PADI1: variants seen among roughly 807,000 people sequenced by gnomAD.
The protein encoded by PADI1 is peptidyl arginine deiminase 1.
A neutral mutation model predicts 74.8 loss-of-function variants in PADI1; 65 were observed. That is an observed-to-expected ratio of 0.87 (90% CI 0.71 to 1.07). The LOEUF is 1.07. Among genes scored for constraint, PADI1 ranks in the 50% least tolerant of loss-of-function variants. The pLI, the probability that PADI1 is intolerant of heterozygous loss-of-function variation, is 0.00. For synonymous variants in PADI1, 371 were observed against 336.2 expected (o/e 1.10, Z -1.13); for missense variants, 943 against 854.0 (o/e 1.10, Z -1.30).
At chr1:17,233,658 C>G (rs1484705942) in intron 11 of PADI1, among the ~76,000 whole-genome samples, 4 of 152,252 alleles carry the variant, frequency 2.6e-5, no homozygotes, top group Non-Finnish European at 5.9e-5. Flanking sequence ...CCTGTTTCCT[C>G]CCTGGAGATG....
chr1:17,214,598 G>A (rs965697144), intron 1 of PADI1, among the ~76,000 whole-genome samples: 19 of 152,168 alleles, frequency 1.2e-4, no homozygotes, highest in Non-Finnish European at 1.9e-4. Context: ...GCTACATCAT[G>A]AGACATCACC....
chr1:17,230,595 C>A lies in PADI1; in HGVS notation c.1077C>A (p.Ile359=). 2 of 1,611,380 alleles carry A rather than the reference C, an allele frequency of 1.2e-6. No homozygotes were observed. The highest frequency in any genetic ancestry group is 1.7e-6 in the Non-Finnish European group (2 of 1,178,592). Residue 359 remains isoleucine (I), a synonymous_variant, in exon 10 of 16, where the codon ATC becomes ATA. Transcript: ENST00000375471. ...WIQDEMEFGY[I]EAPHKSFPVV... ...AGGACGAGATGGAGTTTGGCTACAT[C>A]GAGGCCCCTCACAAATCCTTCCCCG...
At chr1:17,224,454 G>T (rs781722404) in intron 4 of PADI1, 26 bp downstream of exon 4, 23 of 1,597,960 alleles carry the variant, frequency 1.4e-5, no homozygotes, top group Non-Finnish European at 8.6e-7. Context: ...GCACCCCAAG[G>T]CTGCGGGGTT....
intron 8 of PADI1, 124 bp downstream of exon 8, chr1:17,229,175 G>A: frequency 1.5e-6 from 1 of 688,080 alleles, no homozygotes; most frequent in Non-Finnish European, 2.5e-6. Flanking sequence ...TTCAGGCAGA[G>A]CTGGTGGCAG....
At chr1:17,217,225 G>A (rs1044600544) in intron 1 of PADI1, among the ~76,000 whole-genome samples, 1 of 152,188 alleles carries the variant, frequency 6.6e-6, no homozygotes, top group African/African-American at 2.4e-5. Flanking sequence ...GGGCTCAGGG[G>A]CTACTGGACC....
At chr1:17,213,614 C>T (rs1296004450) in intron 1 of PADI1, among the ~76,000 whole-genome samples, 1 of 152,210 alleles carries the variant, frequency 6.6e-6, no homozygotes, top group Non-Finnish European at 1.5e-5. Context: ...CAAGTAACAC[C>T]TACCTTGGTC....
At chr1:17,243,920 C>A in intron 15 of PADI1, 90 bp from the exon 16 acceptor site, 2 of 895,522 alleles carry the variant, frequency 2.2e-6, no homozygotes, top group Non-Finnish European at 3.5e-6. Context: ...ACCCATTCCC[C>A]AGGGCCTGTC....
rs150519166 is a variant in PADI1 at position 17,230,252 on chromosome 1, G to A, written c.1053+44G>A. On this transcript the variant is annotated intron_variant, in intron 9 of 15. Transcript: ENST00000375471. Reference sequence around the variant, plus strand: ...TCGGGAAGCCTGCAGCCTGGCTTGGGGAAAGGGAAGCCGCACAGGTGCCTG... The same window carrying A: ...TCGGGAAGCCTGCAGCCTGGCTTGGAGAAAGGGAAGCCGCACAGGTGCCTG... 1,217 of 1,594,820 alleles carry A rather than the reference G, an allele frequency of 7.6e-4. 11 individuals are homozygous for A. In the African/African-American group the frequency reaches 0.015, roughly 19 times the overall value.
intron 1 of PADI1, among the ~76,000 whole-genome samples, chr1:17,217,593 A>G (rs2072013820): frequency 2.6e-5 from 4 of 152,260 alleles, no homozygotes; most frequent in African/African-American, 9.6e-5. Flanking sequence ...AATTATATTA[A>G]AAACAAAGGC....
intron 11 of PADI1, among the ~76,000 whole-genome samples, chr1:17,236,622 C>T (rs1229962890): frequency 4.6e-5 from 7 of 152,066 alleles, no homozygotes; most frequent in Non-Finnish European, 1.0e-4. Context: ...TGCGTGGTGG[C>T]ACATACCTGT....
intron 1 of PADI1, among the ~76,000 whole-genome samples, chr1:17,206,570 T>G (rs2071687465): frequency 6.6e-6 from 1 of 152,212 alleles, no homozygotes; most frequent in South Asian, 2.1e-4. Flanking sequence ...GATGCCTGGT[T>G]AAGTTTGAAT....
At chr1:17,215,742 G>A (rs952023052) in intron 1 of PADI1, among the ~76,000 whole-genome samples, 8 of 152,208 alleles carry the variant, frequency 5.3e-5, no homozygotes, top group African/African-American at 9.7e-5. Context: ...TCCAGAACGC[G>A]TTGATTGTGC....
In PADI1 at chr1:17,237,004, G is replaced by C. The variant is rs1386137641; in HGVS notation, c.1314-310G>C. ...AGGGGCGCAGTGGGGAGTGAGGCCA[G>C]AGAGCTTGGCCGAGCACGCTTCAGA... On this transcript the variant is annotated intron_variant, in intron 11 of 15. Coordinates refer to ENST00000375471, the MANE Select transcript of PADI1 (RefSeq NM_013358.3). Among the ~76,000 whole-genome samples, 4 of 152,304 alleles carry C rather than the reference G, an allele frequency of 2.6e-5. No individual in the cohort carries two copies. In the East Asian group the frequency reaches 7.7e-4, roughly 29 times the overall value.
chr1:17,213,907 T>C (rs1480938335), intron 1 of PADI1, among the ~76,000 whole-genome samples: 1 of 152,170 alleles, frequency 6.6e-6, no homozygotes, highest in Non-Finnish European at 1.5e-5. Context: ...ATAACCTCTC[T>C]ATTGAACCTG....
At chr1:17,229,637 C>T (rs1229808655) in intron 8 of PADI1, among the ~76,000 whole-genome samples, 1 of 152,202 alleles carries the variant, frequency 6.6e-6, no homozygotes, top group East Asian at 1.9e-4. Context: ...TGTGGCCAAA[C>T]AGGTTTGCTC....
rs1383284475 is a variant in PADI1, at chr1:17,222,341, G to A, written c.144G>A (p.Val48=). Residue 48 remains valine (V), a synonymous_variant, in exon 2 of 16, where the codon GTG becomes GTA. Coordinates refer to ENST00000375471, the MANE Select transcript of PADI1 (RefSeq NM_013358.3). Reference sequence around the variant, plus strand: ...TCAGGGTCTCTGGAAGCTCCGGGGTGGAGGTCTTCATGGTCTACAACCGCA... The same window carrying A: ...TCAGGGTCTCTGGAAGCTCCGGGGTAGAGGTCTTCATGGTCTACAACCGCA... ...NSFRVSGSSG[V]EVFMVYNRTR... 1 of 1,614,068 alleles carries A rather than the reference G, an allele frequency of 6.2e-7. No homozygotes were observed. Among genetic ancestry groups the A allele is most frequent in the Admixed American group, 1.7e-5 (1 of 60,032 alleles).
At position 17,215,880 on chromosome 1, in the gene PADI1, G is replaced by A. The variant is rs118086889; in HGVS notation, c.93-6410G>A. Among the ~76,000 whole-genome samples, 252 of 152,366 alleles carry A rather than the reference G, an allele frequency of 1.7e-3. 7 individuals are homozygous for A. In the East Asian group the frequency reaches 0.043, roughly 26 times the overall value. The stretch of plus-strand genomic sequence containing the variant: ...CAATGAGCAGATATGTGCTCTGTCA[G>A]GTGGCTGGGAGGTGGCCGGTGCCAT... On this transcript the variant is annotated intron_variant, in intron 1 of 15. Transcript: ENST00000375471.
rs748275662 is a variant in PADI1, at chr1:17,244,077, G to A, written c.1826G>A (p.Arg609His). Residue 609 changes from arginine (R) to histidine (H), a missense_variant, in exon 16 of 16, where the codon CGC becomes CAC. Arg to His is a conservative substitution (Grantham distance 29). Transcript: ENST00000375471. The part of the protein sequence containing the change: ...PKPYGPIING[R>H]CCLEEKVQSL... ...CCCTACGGGCCCATCATCAATGGCC[G>A]CTGCTGCCTGGAGGAGAAGGTGCAG... 72 of 1,614,098 alleles carry A rather than the reference G, an allele frequency of 4.5e-5. No individual in the cohort carries two copies. Among genetic ancestry groups the A allele is most frequent in the Non-Finnish European group, 5.4e-5 (64 of 1,180,046 alleles).
intron 10 of PADI1, among the ~76,000 whole-genome samples, chr1:17,231,090 G>A (rs1393778229): frequency 6.6e-6 from 1 of 152,088 alleles, no homozygotes; most frequent in Non-Finnish European, 1.5e-5. Context: ...AATGTTTTCT[G>A]AACACCTACT....
Sources: gnomAD v4.1 joint callset for allele counts (sites outside exome capture counted in the v4.1 genomes callset) on GRCh38, gnomAD v4.1.1 for gene constraint, MANE v1.5 for transcripts, NCBI Gene and HGNC (gene_info 2026-07-23, HGNC 2026-07-21) for gene names.